The following CRABP1 variants were observed in gnomAD, a reference collection of about 807,000 sequenced individuals.
CRABP1 encodes cellular retinoic acid-binding protein 1.
A neutral mutation model predicts 16.4 loss-of-function variants in CRABP1; 9 were observed. The observed-to-expected ratio is 0.55, with a 90% CI of 0.33 to 0.96. The LOEUF is 0.96. CRABP1 is among the 40% of genes least tolerant of loss of function. The probability of loss-of-function intolerance (pLI) is 0.03; values close to 1 mark genes in which losing one functional copy is unlikely to be tolerated. For synonymous variants in CRABP1, 72 were observed against 70.4 expected (o/e 1.02, Z -0.11); for missense variants, 157 against 186.0 (o/e 0.84, Z 0.91).
intron 2 of CRABP1, among the ~76,000 whole-genome samples, chr15:78,342,206 C>T (rs975847790): frequency 6.6e-6 from 1 of 152,028 alleles, no homozygotes; most frequent in African/African-American, 2.4e-5. Flanking sequence ...TGGAAATGAT[C>T]TCCACGCTTG....
At chr15:78,346,221 G>A (rs547011685) in intron 3 of CRABP1, among the ~76,000 whole-genome samples, 1 of 152,298 alleles carries the variant, frequency 6.6e-6, no homozygotes, top group Admixed American at 6.5e-5. Flanking sequence ...GAGGCGTCCA[G>A]ACATCTGCGA....
intron 3 of CRABP1, among the ~76,000 whole-genome samples, chr15:78,347,304 G>C: frequency 1.3e-5 from 2 of 152,282 alleles, no homozygotes; most frequent in Middle Eastern, 6.8e-3. Flanking sequence ...AACAGGCCAC[G>C]AGAGGAAAAC....
intron 3 of CRABP1, among the ~76,000 whole-genome samples, chr15:78,345,215 A>T (rs75764206): frequency 0.012 from 1,833 of 152,242 alleles, 41 homozygotes; most frequent in African/African-American, 0.041. Context: ...CTGAAGTCTG[A>T]TCCCTGAGGT....
At position 78,348,145 on chromosome 15, in the gene CRABP1, G is replaced by A. The variant is rs990798156; in HGVS notation, c.*168G>A. 8 of 626,910 alleles carry A rather than the reference G, an allele frequency of 1.3e-5. No homozygotes were observed. Among genetic ancestry groups the A allele is most frequent in the Non-Finnish European group, 2.2e-5 (8 of 360,386 alleles). 38.8% of individuals were successfully genotyped at this position (626,910 alleles called of 1,614,324 possible). On this transcript the variant is annotated 3_prime_UTR_variant, in exon 4 of 4. Coordinates refer to ENST00000299529, the MANE Select transcript of CRABP1 (RefSeq NM_004378.3). The stretch of plus-strand genomic sequence containing the variant: ...CCCCCACCCCCACCCCCCAGGCCTT[G>A]GTGCCTCTTGTATCCCTAGTGCTCC...
intron 2 of CRABP1, among the ~76,000 whole-genome samples, chr15:78,342,013 A>T (rs1038967090): frequency 4.6e-5 from 7 of 151,030 alleles, no homozygotes; most frequent in South Asian, 2.1e-4. Context: ...TTTTTTTTTT[A>T]AAGAAAAAAG....
At chr15:78,347,858 G>C in intron 3 of CRABP1, 69 bp from the exon 4 acceptor site, 3 of 1,453,388 alleles carry the variant, frequency 2.1e-6, no homozygotes, top group African/African-American at 1.4e-5. Context: ...GGCCTTATTA[G>C]TGATATGCTT....
intron 1 of CRABP1, 71 bp downstream of exon 1, chr15:78,340,569 C>G: frequency 6.5e-7 from 1 of 1,544,180 alleles, no homozygotes; most frequent in Non-Finnish European, 8.8e-7. Flanking sequence ...CGGAAGTGCC[C>G]CGGTCCTGGA....
At position 78,343,508 on chromosome 15, in the gene CRABP1, A is replaced by G. The variant is rs370616671; in HGVS notation, c.259A>G (p.Thr87Ala). 2 of 1,613,952 alleles carry G rather than the reference A, an allele frequency of 1.2e-6. No individual in the cohort carries two copies. Among genetic ancestry groups the G allele is most frequent in the African/African-American group, 1.3e-5 (1 of 74,930 alleles). ...VDGRKCRSLA[T>A]WENENKIHCT... ...GTTTTCCCGCCTGCAGAGTTTAGCC[A>G]CTTGGGAGAATGAGAACAAGATCCA... is the stretch of plus-strand genomic sequence containing the variant. Residue 87 changes from threonine to alanine, a missense_variant, in exon 3 of 4, where the codon ACT becomes GCT. Transcript: ENST00000299529.
chr15:78,342,669 G>A (rs1411615693), intron 2 of CRABP1, among the ~76,000 whole-genome samples: 2 of 152,182 alleles, frequency 1.3e-5, no homozygotes, highest in African/African-American at 2.4e-5. Flanking sequence ...AACCGGGAAA[G>A]TGGCAGCATT....
At chr15:78,345,433 G>C (rs930878877) in intron 3 of CRABP1, among the ~76,000 whole-genome samples, 11 of 152,140 alleles carry the variant, frequency 7.2e-5, no homozygotes, top group Admixed American at 3.9e-4. Flanking sequence ...TGCTGGGCTT[G>C]GGGGAGCAAT....
intron 2 of CRABP1, among the ~76,000 whole-genome samples, chr15:78,343,166 C>T (rs1352604876): frequency 6.6e-6 from 1 of 152,046 alleles, no homozygotes; most frequent in Admixed American, 6.6e-5. Context: ...GAAGGGTTAG[C>T]TAATTTTTAT....
intron 2 of CRABP1, among the ~76,000 whole-genome samples, chr15:78,342,165 G>A (rs1481613743): frequency 2.6e-5 from 4 of 152,094 alleles, no homozygotes; most frequent in Non-Finnish European, 5.9e-5. Context: ...TGATCTAGGA[G>A]GCAATCTTTG....
chr15:78,340,556 T>A, intron 1 of CRABP1, 58 bp downstream of exon 1: 1 of 1,567,636 alleles, frequency 6.4e-7, no homozygotes, highest in Non-Finnish European at 8.7e-7. Flanking sequence ...GGTGCCCTGG[T>A]CCCGGAAGTG....
intron 1 of CRABP1, chr15:78,340,759 T>C: frequency 1.7e-6 from 1 of 600,492 alleles, no homozygotes; most frequent in Non-Finnish European, 2.9e-6. Context: ...TCGTGCTAGA[T>C]CATAGCGAGG....
chr15:78,346,035 G>A (rs989311522), intron 3 of CRABP1, among the ~76,000 whole-genome samples: 1 of 152,138 alleles, frequency 6.6e-6, no homozygotes. Context: ...CTTCAAATGT[G>A]GTTGGAAATG....
Position 78,348,146 on chromosome 15 carries a change from G to T in CRABP1, c.*169G>T, listed in dbSNP as rs1225524676. The T allele has an allele frequency of 1.6e-6, 1 of 631,406 alleles. No homozygotes were observed. Among genetic ancestry groups the T allele is most frequent in the Non-Finnish European group, 2.8e-6 (1 of 360,756 alleles). The allele number at this position is 631,406 out of a possible 1,614,324, so 39.1% of individuals were successfully genotyped here. A position where few individuals can be genotyped will look rare whatever the true frequency, so the allele number is the denominator to read the frequency against. On this transcript the variant is annotated 3_prime_UTR_variant, in exon 4 of 4. Coordinates refer to ENST00000299529, the MANE Select transcript of CRABP1 (RefSeq NM_004378.3). ...CCCCACCCCCACCCCCCAGGCCTTGGTGCCTCTTGTATCCCTAGTGCTCCA... is the reference window on the plus strand; with the variant it reads ...CCCCACCCCCACCCCCCAGGCCTTGTTGCCTCTTGTATCCCTAGTGCTCCA...
At position 78,341,207 on chromosome 15, in the gene CRABP1, G is replaced by T. The variant is rs1435985814; in HGVS notation, c.235G>T (p.Gly79Ter). Residue 79 changes from glycine to a stop codon, truncating the protein, a stop_gained, in exon 2 of 4, where the codon GGA (glycine) becomes TGA (stop). Coordinates refer to ENST00000299529, the MANE Select transcript of CRABP1 (RefSeq NM_004378.3). LOFTEE classifies it high-confidence loss of function. The surrounding 1 kb of genome is among the most constrained non-coding windows in gnomAD (Gnocchi z 5.3). ...GEGFEEETVD[G>*]RKCRSLATWE... ...AGGCTTTGAGGAGGAGACCGTGGAC[G>T]GACGCAAGTGCAGGGTGAGGCCCCA... 3 of 1,610,304 alleles carry T rather than the reference G, an allele frequency of 1.9e-6. No homozygotes were observed. Among genetic ancestry groups the T allele is most frequent in the Non-Finnish European group, 2.5e-6 (3 of 1,178,494 alleles).
chr15:78,340,986 G>C, intron 1 of CRABP1, 57 bp from the exon 2 acceptor site: 1 of 1,551,522 alleles, frequency 6.4e-7, no homozygotes, highest in South Asian at 1.2e-5. Flanking sequence ...GTGCCCGACC[G>C]GTCCCGAGAC....
chr15:78,340,360 G>T lies in CRABP1; in HGVS notation c.-69G>T. On this transcript the variant is annotated 5_prime_UTR_variant, in exon 1 of 4. Coordinates refer to ENST00000299529, the MANE Select transcript of CRABP1 (RefSeq NM_004378.3). ...CGCTGGGCGCAAAGCGCCAGTCTCC[G>T]CCTTGCGAGCTCAGAGTGTGCCCGC... 2.0e-6 allele frequency: 3 copies of T among 1,534,296 alleles called. No individual in the cohort carries two copies. The highest frequency in any genetic ancestry group is 1.2e-5 in the South Asian group (1 of 83,018).
Sources: gnomAD v4.1 joint callset for allele counts (sites outside exome capture counted in the v4.1 genomes callset) on GRCh38, gnomAD v4.1.1 for gene constraint, Gnocchi (gnomAD v3.1) non-coding constraint, MANE v1.5 for transcripts, NCBI Gene and HGNC (gene_info 2026-07-23, HGNC 2026-07-21) for gene names.